Variants in SCAPER observed in about 807,000 individuals in gnomAD.
The protein encoded by SCAPER is S-phase cyclin A associated protein in the ER, also known as S phase cyclin A-associated protein in the endoplasmic reticulum.
Under a neutral mutation model 182.2 loss-of-function variants are expected in SCAPER, and 98 were observed. The observed-to-expected ratio is 0.54, with a 90% CI of 0.46 to 0.64. SCAPER has a LOEUF of 0.64. SCAPER is among the 30% of genes least tolerant of loss of function. The pLI, the probability that SCAPER is intolerant of heterozygous loss-of-function variation, is 0.00. For missense variants in SCAPER, 1,432 were observed against 1,690.0 expected, an observed-to-expected ratio of 0.85 and a Z score of 2.68; for synonymous variants, 605 against 564.6, an observed-to-expected ratio of 1.07 and a Z score of -1.01.
rs140804488 is a variant in SCAPER at position 76,706,868 on chromosome 15, T to TAC, written c.2166-886_2166-885dup. ...AAGAAACAAACTGTTGATACACACATACACACACACACAAAGAAATGTATA... is the reference window on the plus strand; with the variant it reads ...AAGAAACAAACTGTTGATACACACATACACACACACACACAAAGAAATGTATA... On this transcript the variant is annotated intron_variant, in intron 17 of 31. Coordinates refer to ENST00000563290, the MANE Select transcript of SCAPER (RefSeq NM_020843.4). Among the ~76,000 whole-genome samples, 1,349 of 151,678 alleles carry TAC rather than the reference T, an allele frequency of 8.9e-3. 12 individuals are homozygous for TAC. The highest frequency in any genetic ancestry group is 0.014 in the Non-Finnish European group (938 of 67,772).
intron 8 of SCAPER, among the ~76,000 whole-genome samples, chr15:76,780,616 C>G (rs1202173797): frequency 1.3e-5 from 2 of 152,218 alleles, no homozygotes; most frequent in Non-Finnish European, 2.9e-5. Flanking sequence ...CTGGAAGATA[C>G]CTCCCTGTAG....
At chr15:76,625,772 G>T (rs2052517081) in intron 21 of SCAPER, among the ~76,000 whole-genome samples, 1 of 152,098 alleles carries the variant, frequency 6.6e-6, no homozygotes. Flanking sequence ...GGAGTCCACG[G>T]TGGGAATGTG....
chr15:76,670,605 T>C (rs887561861), intron 20 of SCAPER, among the ~76,000 whole-genome samples: 1 of 152,222 alleles, frequency 6.6e-6, no homozygotes, highest in Non-Finnish European at 1.5e-5. Flanking sequence ...TATTCTCAAA[T>C]TGAACAATCA....
At chr15:76,657,652 C>T (rs1269407514) in intron 21 of SCAPER, among the ~76,000 whole-genome samples, 2 of 149,616 alleles carry the variant, frequency 1.3e-5, no homozygotes, top group Non-Finnish European at 3.0e-5. Flanking sequence ...TGATGACATG[C>T]ATACAAAAAT....
In SCAPER at chr15:76,548,217, A is replaced by G. The variant is rs538096033; in HGVS notation, c.2838+25941T>C. ...AATTAACCTGATTTTCAATGTGAAAATAAAATATAAAAACTGTTTGTGGAG... is the reference window on the plus strand; with the variant it reads ...AATTAACCTGATTTTCAATGTGAAAGTAAAATATAAAAACTGTTTGTGGAG... On this transcript the variant is annotated intron_variant, in intron 23 of 31. Transcript: ENST00000563290. Among the ~76,000 whole-genome samples the G allele has an allele frequency of 3.9e-5, 6 of 152,294 alleles. No individual in the cohort carries two copies. The East Asian group carries it at 1.2e-3, about 29-fold the overall frequency.
At chr15:76,637,391 T>C (rs1020223331) in intron 21 of SCAPER, among the ~76,000 whole-genome samples, 1 of 152,126 alleles carries the variant, frequency 6.6e-6, no homozygotes, top group Admixed American at 6.5e-5. Flanking sequence ...TTCCAATTTC[T>C]CTACATTCTT....
chr15:76,416,688 A>T (rs191386752), intron 26 of SCAPER, among the ~76,000 whole-genome samples: 1 of 152,312 alleles, frequency 6.6e-6, no homozygotes, highest in Admixed American at 6.5e-5. Flanking sequence ...AACATCTATC[A>T]TAAGAAAATA....
chr15:76,575,296 C>T (rs948430054), intron 22 of SCAPER, among the ~76,000 whole-genome samples: 3 of 152,078 alleles, frequency 2.0e-5, no homozygotes, highest in African/African-American at 7.2e-5. Flanking sequence ...GATTCAAGAT[C>T]TTATTAAATC....
At chr15:76,579,514 C>A (rs2048110877) in intron 22 of SCAPER, among the ~76,000 whole-genome samples, 1 of 145,310 alleles carries the variant, frequency 6.9e-6, no homozygotes. Context: ...AAACTCAAAC[C>A]AAAAACCACA....
chr15:76,455,360 A>G (rs2048651730), intron 25 of SCAPER, among the ~76,000 whole-genome samples: 2 of 152,222 alleles, frequency 1.3e-5, no homozygotes, highest in South Asian at 4.1e-4. Flanking sequence ...CTAAATTTCT[A>G]AATGTATATA....
chr15:76,549,957 A>T (rs1375069263), intron 23 of SCAPER, among the ~76,000 whole-genome samples: 1 of 152,192 alleles, frequency 6.6e-6, no homozygotes, highest in Non-Finnish European at 1.5e-5. Context: ...AATCAGACAA[A>T]CAGACATCAA....
At chr15:76,606,403 C>T (rs1027914151) in intron 22 of SCAPER, among the ~76,000 whole-genome samples, 4 of 152,174 alleles carry the variant, frequency 2.6e-5, no homozygotes, top group African/African-American at 9.7e-5. Context: ...AATTTCTGTT[C>T]TTTTACATTT....
At chr15:76,727,718 T>A (rs1179185087) in intron 17 of SCAPER, among the ~76,000 whole-genome samples, 1 of 152,012 alleles carries the variant, frequency 6.6e-6, no homozygotes, top group Non-Finnish European at 1.5e-5. Context: ...TCTACTAAAC[T>A]GCAACCAAGA....
intron 5 of SCAPER, among the ~76,000 whole-genome samples, chr15:76,806,710 CTT>C (rs1467134813): frequency 2.0e-5 from 3 of 152,148 alleles, no homozygotes; most frequent in African/African-American, 4.8e-5. Flanking sequence ...TTAGGTTTCT[CTT>C]ATTTCTTACA....
chr15:76,798,774 T>C (rs1194750224), intron 7 of SCAPER, among the ~76,000 whole-genome samples: 3 of 152,186 alleles, frequency 2.0e-5, no homozygotes, highest in African/African-American at 7.2e-5. Flanking sequence ...AAAGGATTAT[T>C]AACCAAGAAT....
intron 8 of SCAPER, among the ~76,000 whole-genome samples, chr15:76,784,986 TAA>T (rs1167231781): frequency 6.6e-6 from 1 of 152,152 alleles, no homozygotes; most frequent in Non-Finnish European, 1.5e-5. Flanking sequence ...ACTTCATGAC[TAA>T]AACACCAAAA....
At chr15:76,659,099 C>G (rs1045678394) in intron 21 of SCAPER, among the ~76,000 whole-genome samples, 3 of 152,052 alleles carry the variant, frequency 2.0e-5, no homozygotes, top group African/African-American at 7.2e-5. Context: ...TAAAGAGTTT[C>G]CACACAAGTA....
At chr15:76,512,076 C>CG (rs918778905) in intron 23 of SCAPER, among the ~76,000 whole-genome samples, 1 of 151,110 alleles carries the variant, frequency 6.6e-6, no homozygotes. Context: ...TTAGTAGAGA[C>CG]GGGGTTTCAC....
At position 76,379,110 on chromosome 15, in the gene SCAPER, G is replaced by A. The variant is rs548243575; in HGVS notation, c.3705+2268C>T. On this transcript the variant is annotated intron_variant, in intron 28 of 31. Transcript: ENST00000563290. ...CATAAAAGTAATTAAGAAAAAATAC[G>A]TAGTCATTGGTATATTAAAGGCCCC... is the stretch of plus-strand genomic sequence containing the variant. 3.6e-4 allele frequency among the ~76,000 whole-genome samples: 55 copies of A among 152,310 alleles called. 1 individual carries two copies. Among genetic ancestry groups the A allele is most frequent in the African/African-American group, 9.6e-4 (40 of 41,568 alleles).
Sources: gnomAD v4.1 joint callset for allele counts (sites outside exome capture counted in the v4.1 genomes callset) on GRCh38, gnomAD v4.1.1 for gene constraint, MANE v1.5 for transcripts, NCBI Gene and HGNC (gene_info 2026-07-23, HGNC 2026-07-21) for gene names.